The following GTF2F1 variants were observed in gnomAD, a reference collection of about 807,000 sequenced individuals.
GTF2F1 encodes the protein general transcription factor IIF 74 kDa subunit.
GTF2F1 carries 39 observed loss-of-function variants against 63.5 expected under a neutral mutation model. The ratio of observed to expected loss-of-function variants is 0.61; its 90% CI spans 0.48 to 0.80. The LOEUF is 0.80. Among genes scored for constraint, GTF2F1 ranks in the 30% least tolerant of loss-of-function variants. The probability of loss-of-function intolerance (pLI) is 0.00; values close to 1 mark genes in which losing one functional copy is unlikely to be tolerated. For synonymous variants in GTF2F1, 287 were observed against 285.3 expected, an observed-to-expected ratio of 1.01 and a Z score of -0.06; for missense variants, 657 against 718.3, an observed-to-expected ratio of 0.91 and a Z score of 0.97.
rs1051320129 is a variant in GTF2F1, at chr19:6,381,497, G to A, written c.899-19C>T. 6 of 1,608,444 alleles carry A rather than the reference G, an allele frequency of 3.7e-6. No individual in the cohort carries two copies. Among genetic ancestry groups the A allele is most frequent in the African/African-American group, 1.3e-5 (1 of 75,052 alleles). ...TCGACACCTGGGAGGGGCAGGGTAT[G>A]AGCAAGAGCAGGGAAGCACCGCCCC... On this transcript the variant is annotated intron_variant, in intron 8 of 12. Transcript: ENST00000394456. This position sits in a 1 kb window ranked among gnomAD's most constrained non-coding sequence, Gnocchi z 4.1.
In GTF2F1 at chr19:6,383,378, C is replaced by T. The variant is rs1261147078; in HGVS notation, c.615G>A (p.Leu205=). 6.2e-7 allele frequency: 1 copy of T among 1,614,232 alleles called. No homozygotes were observed. Among genetic ancestry groups the T allele is most frequent in the South Asian group, 1.1e-5 (1 of 91,090 alleles). The change falls in exon 6 of 13, where the codon CTG becomes CTA. Residue 205 remains leucine (L), a synonymous_variant. Transcript: ENST00000394456. The surrounding 1 kb of genome is among the most constrained non-coding windows in gnomAD (Gnocchi z 4.5). Reference sequence around the variant, plus strand: ...GGTCGTCCTCCAGGTCGTGGATGCGCAGCTCGCTCGCCTTCCTGCGGCCAC... The same window carrying T: ...GGTCGTCCTCCAGGTCGTGGATGCGTAGCTCGCTCGCCTTCCTGCGGCCAC... The part of the protein sequence containing the change: ...EKRGRRKASE[L]RIHDLEDDLE...
In GTF2F1 at chr19:6,380,100, T is replaced by C. The variant is rs1391321791; in HGVS notation, c.*181A>G. 1 of 645,944 alleles carries C rather than the reference T, an allele frequency of 1.5e-6. No homozygotes were observed. The highest frequency in any genetic ancestry group is 2.6e-5 in the Admixed American group (1 of 39,150). The allele number at this position is 645,944 out of a possible 1,614,324, so 40.0% of individuals were successfully genotyped here. A position where few individuals can be genotyped will look rare whatever the true frequency, so the allele number is the denominator to read the frequency against. The stretch of plus-strand genomic sequence containing the variant: ...CCAGAGGAGGAGATGGCTTAACTTT[T>C]CCAGAATTGCTAACTACGGGGCCCT... On this transcript the variant is annotated 3_prime_UTR_variant, in exon 13 of 13. Transcript: ENST00000394456. The surrounding 1 kb of genome is among the most constrained non-coding windows in gnomAD (Gnocchi z 5.3).
chr19:6,388,030 A>G (rs1284053493), intron 4 of GTF2F1, among the ~76,000 whole-genome samples: 2 of 150,092 alleles, frequency 1.3e-5, no homozygotes, highest in Non-Finnish European at 3.0e-5. Context: ...CCCGGGTTCA[A>G]GCAATTCTCA....
chr19:6,386,989 C>T, intron 5 of GTF2F1: 1 of 223,188 alleles, frequency 4.5e-6, no homozygotes, highest in Non-Finnish European at 9.0e-6. Flanking sequence ...TGTGTCCCTC[C>T]ACAGCCCTTA....
At position 6,380,093 on chromosome 19, in the gene GTF2F1, T is replaced by A; in HGVS notation, c.*188A>T. 1.6e-6 allele frequency: 1 copy of A among 635,274 alleles called. No homozygotes were observed. Among genetic ancestry groups the A allele is most frequent in the Non-Finnish European group, 2.8e-6 (1 of 355,076 alleles). The allele number at this position is 635,274 out of a possible 1,614,324, so 39.4% of individuals were successfully genotyped here. On this transcript the variant is annotated 3_prime_UTR_variant, in exon 13 of 13. Transcript: ENST00000394456. This position sits in a 1 kb window ranked among gnomAD's most constrained non-coding sequence, Gnocchi z 5.3. ...GGAAGGGCCAGAGGAGGAGATGGCTTAACTTTTCCAGAATTGCTAACTACG... is the reference window on the plus strand; with the variant it reads ...GGAAGGGCCAGAGGAGGAGATGGCTAAACTTTTCCAGAATTGCTAACTACG...
At position 6,386,477 on chromosome 19, in the gene GTF2F1, G is replaced by A. The variant is rs191632891; in HGVS notation, c.497+912C>T. ...TTGTTTTGTTTTGAGACGGAGTCTC[G>A]CTCTGTCGCCCAGGCTGGAGTGCAC... On this transcript the variant is annotated intron_variant, in intron 5 of 12. Transcript: ENST00000394456. Among the ~76,000 whole-genome samples the A allele has an allele frequency of 1.2e-3, 178 of 152,218 alleles. 4 individuals carry two copies. In the East Asian group the frequency reaches 0.022, roughly 19 times the overall value.
rs756652708 is a variant in GTF2F1 at position 6,383,261 on chromosome 19, C to A, written c.682+50G>T. 1 of 1,575,702 alleles carries A rather than the reference C, an allele frequency of 6.3e-7. No individual in the cohort carries two copies. Among genetic ancestry groups the A allele is most frequent in the Non-Finnish European group, 8.7e-7 (1 of 1,149,920 alleles). On this transcript the variant is annotated intron_variant, in intron 6 of 12. Transcript: ENST00000394456. This position sits in a 1 kb window ranked among gnomAD's most constrained non-coding sequence, Gnocchi z 4.5. ...ATGGTAGACTTTGCCTTCACTGGCA[C>A]TGCCTGAGCAGGCACCTCTGTGACC...
Position 6,380,851 on chromosome 19 carries a change from G to A in GTF2F1, c.1231+53C>T. The A allele has an allele frequency of 4.6e-6, 7 of 1,519,270 alleles. No homozygotes were observed. Among genetic ancestry groups the A allele is most frequent in the Non-Finnish European group, 5.3e-6 (6 of 1,136,014 alleles). 94.1% of individuals were successfully genotyped at this position (1,519,270 alleles called of 1,614,324 possible). On this transcript the variant is annotated intron_variant, in intron 11 of 12. Coordinates refer to ENST00000394456, the MANE Select transcript of GTF2F1 (RefSeq NM_002096.3). The surrounding 1 kb of genome is among the most constrained non-coding windows in gnomAD (Gnocchi z 5.3). ...CTCTCTGTCCTGAGCCCCAACAGAGGTCAGGAGGCTGTGGCTGTGGCTGTG... is the reference window on the plus strand; with the variant it reads ...CTCTCTGTCCTGAGCCCCAACAGAGATCAGGAGGCTGTGGCTGTGGCTGTG...
At chr19:6,392,212 T>C (rs1374090681) in intron 2 of GTF2F1, 1 of 561,840 alleles carries the variant, frequency 1.8e-6, no homozygotes, top group Admixed American at 2.2e-5. Context: ...CCCAGCTTCA[T>C]TCAGCCTGTT....
At chr19:6,391,438 C>T (rs1316749942) in intron 3 of GTF2F1, among the ~76,000 whole-genome samples, 3 of 121,732 alleles carry the variant, frequency 2.5e-5, no homozygotes, top group East Asian at 4.5e-4. Flanking sequence ...TTGCCATTTC[C>T]GTTTTTTTTT....
chr19:6,385,680 C>G (rs1599212829), intron 5 of GTF2F1, among the ~76,000 whole-genome samples: 1 of 152,112 alleles, frequency 6.6e-6, no homozygotes, highest in Non-Finnish European at 1.5e-5. Context: ...CTCGGAGGCT[C>G]ATGACCTGGT....
chr19:6,381,018 C>A lies in GTF2F1; in HGVS notation c.1117G>T (p.Glu373Ter), dbSNP rs1474267717. 1 of 1,611,894 alleles carries A rather than the reference C, an allele frequency of 6.2e-7. No individual in the cohort carries two copies. The highest frequency in any genetic ancestry group is 1.7e-5 in the Admixed American group (1 of 59,798). ...MAKKKTPPKR[E>*]RKPSGGSSRG... is the part of the protein sequence containing the mutation. ...GAGCTCCCTCCCGACGGCTTCCGCT[C>A]TCTCTTGGGTGGCGTCTTCTTCTTC... Residue 373 changes from glutamate to a stop codon, truncating the protein, a stop_gained, in exon 11 of 13, where the codon GAG (glutamate) becomes TAG (stop). Coordinates refer to ENST00000394456, the MANE Select transcript of GTF2F1 (RefSeq NM_002096.3). LOFTEE classifies it high-confidence loss of function. The surrounding 1 kb of genome is among the most constrained non-coding windows in gnomAD (Gnocchi z 4.1).
rs1357111490 is a variant in GTF2F1, at chr19:6,383,461, G to A, written c.532C>T (p.Gln178Ter). The A allele has an allele frequency of 3.1e-6, 5 of 1,614,104 alleles. No individual in the cohort carries two copies. The highest frequency in any genetic ancestry group is 1.1e-5 in the South Asian group (1 of 91,090). ...TCCTGATCCTTGAGCCGCCGCTGCT[G>A]CATGATGCTGAAGTGGTTCAGCACC... is the stretch of plus-strand genomic sequence containing the variant. ...NKVLNHFSIM[Q>*]QRRLKDQDQD... The change falls in exon 6 of 13, where the codon CAG becomes TAG. Residue 178 changes from glutamine to a stop codon, truncating the protein, a stop_gained. Transcript: ENST00000394456. LOFTEE classifies it high-confidence loss of function. The surrounding 1 kb of genome is among the most constrained non-coding windows in gnomAD (Gnocchi z 4.5).
rs1314100324 is a variant in GTF2F1 at position 6,387,509 on chromosome 19, A to T, written c.377T>A (p.Ile126Asn). ...GGVTENTSYY[I>N]FTQCPDGAFE... ...GGCCCCGTCGGGGCACTGGGTGAAGATGTAGTAGGACGTGTTCTCTGTTAC... is the reference window on the plus strand; with the variant it reads ...GGCCCCGTCGGGGCACTGGGTGAAGTTGTAGTAGGACGTGTTCTCTGTTAC... The change falls in exon 5 of 13, where the codon ATC becomes AAC. Residue 126 changes from isoleucine (I) to asparagine (N), a missense_variant. By Grantham distance (149) the Ile-to-Asn change is moderately radical. Coordinates refer to ENST00000394456, the MANE Select transcript of GTF2F1 (RefSeq NM_002096.3). The T allele has an allele frequency of 1.2e-6, 2 of 1,614,036 alleles. No individual in the cohort carries two copies. Among genetic ancestry groups the T allele is most frequent in the Non-Finnish European group, 1.7e-6 (2 of 1,180,010 alleles).
chr19:6,387,352 C>A, intron 5 of GTF2F1, 37 bp downstream of exon 5: 1 of 1,601,192 alleles, frequency 6.2e-7, no homozygotes, highest in South Asian at 1.1e-5. Flanking sequence ...CCCCATTTCC[C>A]TCACTTCTGT....
intron 4 of GTF2F1, 72 bp downstream of exon 4, chr19:6,389,372 A>G: frequency 7.2e-7 from 1 of 1,391,912 alleles, no homozygotes; most frequent in East Asian, 2.4e-5. Context: ...GGTACCCCAC[A>G]AAGTATGTAA....
At chr19:6,391,116 C>T (rs1274967430) in intron 3 of GTF2F1, among the ~76,000 whole-genome samples, 1 of 152,220 alleles carries the variant, frequency 6.6e-6, no homozygotes, top group African/African-American at 2.4e-5. Flanking sequence ...TAGACCAGTC[C>T]AGTTGCTTCT....
Position 6,392,985 on chromosome 19 carries a change from A to G in GTF2F1, c.11T>C (p.Leu4Pro), listed in dbSNP as rs767394742. 1.9e-6 allele frequency: 3 copies of G among 1,614,122 alleles called. No homozygotes were observed. The highest frequency in any genetic ancestry group is 2.5e-6 in the Non-Finnish European group (3 of 1,180,038). MAA[L>P]GPSSQNVTEY... is the part of the protein sequence containing the mutation. ...GAACCCCGCCAAATCCACACTCACT[A>G]GGGCCGCCATGGGCAATGGTCAGTG... Residue 4 changes from leucine (L) to proline (P), a missense_variant and splice_region_variant, in exon 1 of 13, where the codon CTA becomes CCA. This residue lies in a region of GTF2F1 where 602 missense variants were observed against 625.6 expected (regional missense o/e 0.96). Transcript: ENST00000394456.
intron 4 of GTF2F1, among the ~76,000 whole-genome samples, chr19:6,388,528 C>T (rs1365604184): frequency 1.3e-5 from 2 of 152,202 alleles, no homozygotes; most frequent in Non-Finnish European, 2.9e-5. Context: ...CTCAGTCTGC[C>T]CCCTCTGAGA....
Sources: gnomAD v4.1 joint callset for allele counts (sites outside exome capture counted in the v4.1 genomes callset) on GRCh38, gnomAD v4.1.1 for gene constraint, gnomAD v4.1.1 regional missense constraint, Gnocchi (gnomAD v3.1) non-coding constraint, MANE v1.5 for transcripts, NCBI Gene and HGNC (gene_info 2026-07-23, HGNC 2026-07-21) for gene names.